ANO2: variants seen among roughly 807,000 people sequenced by gnomAD.
ANO2 encodes the protein anoctamin-2.
ANO2 carries 101 observed loss-of-function variants against 124.2 expected under a neutral mutation model. The observed-to-expected ratio is 0.81, with a 90% CI of 0.69 to 0.96. The LOEUF is 0.96. ANO2 is among the 40% of genes least tolerant of loss of function. The probability of loss-of-function intolerance (pLI) is 0.00; values close to 1 mark genes in which losing one functional copy is unlikely to be tolerated. For synonymous variants in ANO2, 486 were observed against 482.5 expected, an observed-to-expected ratio of 1.01 and a Z score of -0.09; for missense variants, 1,293 against 1,274.5, an observed-to-expected ratio of 1.01 and a Z score of -0.22.
intron 7 of ANO2, among the ~76,000 whole-genome samples, chr12:5,826,257 A>G (rs1417417954): frequency 6.6e-6 from 1 of 152,020 alleles, no homozygotes; most frequent in Non-Finnish European, 1.5e-5. Flanking sequence ...TTTGAAGATT[A>G]TGTATGATCT....
In ANO2 at chr12:5,714,068, C is replaced by T. The variant is rs201339366; in HGVS notation, c.1545+18452G>A. ...AACTTCCCCGCTTCTCCTCGGCCTG[C>T]CTATATTCTCTTACACTGCCAATTG... On this transcript the variant is annotated intron_variant, in intron 14 of 24. Transcript: ENST00000682330. 5.1e-4 allele frequency among the ~76,000 whole-genome samples: 77 copies of T among 152,324 alleles called. No individual in the cohort carries two copies. In the East Asian group the frequency reaches 0.013, roughly 26 times the overall value.
chr12:5,732,469 C>G (rs1020606068), intron 14 of ANO2, 51 bp downstream of exon 14: 2 of 1,509,392 alleles, frequency 1.3e-6, no homozygotes, highest in Non-Finnish European at 1.8e-6. Context: ...AAAATGACAA[C>G]AGGATCTCAA....
At chr12:5,625,561 C>A (rs747176057) in intron 16 of ANO2, among the ~76,000 whole-genome samples, 1 of 152,148 alleles carries the variant, frequency 6.6e-6, no homozygotes, top group Non-Finnish European at 1.5e-5. Context: ...ACATTAAATT[C>A]TTGGCCCCTA....
chr12:5,818,448 TA>T (rs1253084681), intron 7 of ANO2, among the ~76,000 whole-genome samples: 45 of 256 alleles, frequency 0.18, no homozygotes, highest in Non-Finnish European at 0.31. Context: ...AAACTCATAT[TA>T]TATATATATA....
intron 1 of ANO2, among the ~76,000 whole-genome samples, chr12:5,926,974 T>C (rs922459397): frequency 6.6e-6 from 1 of 152,202 alleles, no homozygotes; most frequent in Non-Finnish European, 1.5e-5. Flanking sequence ...TAACATTCCT[T>C]GGAAGTACAT....
intron 1 of ANO2, among the ~76,000 whole-genome samples, chr12:5,924,229 C>G (rs1231516568): frequency 6.6e-6 from 1 of 152,226 alleles, no homozygotes; most frequent in Non-Finnish European, 1.5e-5. Flanking sequence ...GCTCAGCCCT[C>G]CAGCGCAGTT....
rs1945962802 is a variant in ANO2, at chr12:5,635,402, C to G, written c.1621-55G>C. ...TCAGCCGGCAATTACCGAGCACCTA[C>G]TATTTGCTCTGCCAACAGTACCATT... is the stretch of plus-strand genomic sequence containing the variant. On this transcript the variant is annotated intron_variant, in intron 15 of 24. Coordinates refer to ENST00000682330, the MANE Select transcript of ANO2 (RefSeq NM_001364791.2). This position sits in a 1 kb window ranked among gnomAD's most constrained non-coding sequence, Gnocchi z 5.2. 3.6e-6 allele frequency: 5 copies of G among 1,376,692 alleles called. No homozygotes were observed. The highest frequency in any genetic ancestry group is 2.8e-5 in the Admixed American group (1 of 36,152). 85.3% of individuals were successfully genotyped at this position (1,376,692 alleles called of 1,614,324 possible). A position where few individuals can be genotyped will look rare whatever the true frequency, so the allele number is the denominator to read the frequency against.
chr12:5,674,978 C>T lies in ANO2; in HGVS notation c.1546-27177G>A, dbSNP rs535304958. Reference sequence around the variant, plus strand: ...GCTTGAAAGCTAAGGGATGGGCAGTCGAGTTGCCCAAGGTCACTCTGCAGC... The same window carrying T: ...GCTTGAAAGCTAAGGGATGGGCAGTTGAGTTGCCCAAGGTCACTCTGCAGC... On this transcript the variant is annotated intron_variant, in intron 14 of 24. Transcript: ENST00000682330. 4.4e-3 allele frequency among the ~76,000 whole-genome samples: 664 copies of T among 152,124 alleles called. 5 individuals are homozygous for T. Among genetic ancestry groups the T allele is most frequent in the African/African-American group, 0.015 (608 of 41,504 alleles).
At chr12:5,584,145 G>A (rs1448228076) in intron 20 of ANO2, 2 of 107,178 alleles carry the variant, frequency 1.9e-5, no homozygotes, top group Non-Finnish European at 1.9e-5. Context: ...CCCCCCCGCC[G>A]CAAGAATATT....
chr12:5,890,843 A>G (rs1045362558), intron 3 of ANO2, among the ~76,000 whole-genome samples: 1 of 152,202 alleles, frequency 6.6e-6, no homozygotes, highest in African/African-American at 2.4e-5. Context: ...AATATCTGCC[A>G]TTCACTTACA....
chr12:5,790,807 C>G (rs1483185900), intron 10 of ANO2, among the ~76,000 whole-genome samples: 5 of 152,140 alleles, frequency 3.3e-5, no homozygotes, highest in Non-Finnish European at 7.4e-5. Flanking sequence ...AACACCACAT[C>G]CAGTACAAAG....
chr12:5,643,063 TACACAC>T (rs67252256), intron 15 of ANO2, among the ~76,000 whole-genome samples: 7 of 149,984 alleles, frequency 4.7e-5, no homozygotes, highest in African/African-American at 1.5e-4. Flanking sequence ...AAATCCATTT[TACACAC>T]ACACACACAC....
intron 4 of ANO2, among the ~76,000 whole-genome samples, chr12:5,844,259 C>A (rs1272457983): frequency 6.6e-6 from 1 of 152,154 alleles, no homozygotes; most frequent in Non-Finnish European, 1.5e-5. Flanking sequence ...CTAGGCTACA[C>A]AGAGAGGTGT....
intron 7 of ANO2, among the ~76,000 whole-genome samples, chr12:5,809,378 C>T (rs1466758758): frequency 1.3e-5 from 2 of 152,204 alleles, no homozygotes; most frequent in African/African-American, 2.4e-5. Flanking sequence ...GCATCACAGG[C>T]GGGTAAGGCC....
chr12:5,589,167 G>C (rs1233959427), intron 20 of ANO2, among the ~76,000 whole-genome samples: 1 of 152,172 alleles, frequency 6.6e-6, no homozygotes, highest in Non-Finnish European at 1.5e-5. Context: ...CATCTGCTGT[G>C]AACTTCATCT....
At position 5,576,035 on chromosome 12, in the gene ANO2, G is replaced by A. The variant is rs755354981; in HGVS notation, c.2440-20C>T. On this transcript the variant is annotated intron_variant, in intron 22 of 24. Coordinates refer to ENST00000682330, the MANE Select transcript of ANO2 (RefSeq NM_001364791.2). The stretch of plus-strand genomic sequence containing the variant: ...AAAAGCCTGAGGGACAGAACCATAA[G>A]CACTGAGTAGCCAGGATTGATGCTA... 3 of 1,582,252 alleles carry A rather than the reference G, an allele frequency of 1.9e-6. No homozygotes were observed. Among genetic ancestry groups the A allele is most frequent in the Admixed American group, 3.6e-5 (2 of 55,876 alleles).
intron 16 of ANO2, among the ~76,000 whole-genome samples, chr12:5,624,188 C>T (rs1343005369): frequency 1.3e-5 from 2 of 151,810 alleles, no homozygotes; most frequent in East Asian, 1.9e-4. Context: ...GTGACAGCAC[C>T]CCCAGCACAT....
chr12:5,921,431 C>G (rs985040472), intron 2 of ANO2, 65 bp from the exon 3 acceptor site: 2 of 1,481,998 alleles, frequency 1.3e-6, no homozygotes, highest in African/African-American at 1.4e-5. Context: ...ACAGAGGAGG[C>G]TGATCTATGC....
intron 3 of ANO2, among the ~76,000 whole-genome samples, chr12:5,864,328 A>G (rs1030096092): frequency 1.3e-5 from 2 of 152,254 alleles, no homozygotes; most frequent in Non-Finnish European, 1.5e-5. Flanking sequence ...ATAAGCCCCA[A>G]AGATGTTGGC....
Sources: allele counts gnomAD v4.1 joint callset (sites outside exome capture counted in the v4.1 genomes callset), GRCh38; gene constraint gnomAD v4.1.1; non-coding constraint Gnocchi (gnomAD v3.1); transcripts MANE v1.5; gene names NCBI Gene and HGNC (gene_info 2026-07-23, HGNC 2026-07-21).